Variants in SGK1 observed in about 807,000 individuals in gnomAD.
SGK1 encodes serum/glucocorticoid regulated kinase 1.
Under a neutral mutation model 64.2 loss-of-function variants are expected in SGK1, and 26 were observed. The ratio of observed to expected loss-of-function variants is 0.40; its 90% CI spans 0.30 to 0.56. The LOEUF is 0.56. Among genes scored for constraint, SGK1 ranks in the 20% least tolerant of loss-of-function variants. The probability of loss-of-function intolerance (pLI) is 0.38; values close to 1 mark genes in which losing one functional copy is unlikely to be tolerated. For missense variants in SGK1, 519 were observed against 645.6 expected, an observed-to-expected ratio of 0.80 and a Z score of 2.12; for synonymous variants, 265 against 239.7, an observed-to-expected ratio of 1.11 and a Z score of -0.98.
chr6:134,265,075 G>A (rs1304321915), intron 1 of SGK1, among the ~76,000 whole-genome samples: 2 of 152,306 alleles, frequency 1.3e-5, no homozygotes, highest in African/African-American at 4.8e-5. Flanking sequence ...TGAAGACTGT[G>A]AAAATATGAA....
chr6:134,232,309 T>TGGGAGGCAGAGGTTGCA (rs1354922217), intron 2 of SGK1, among the ~76,000 whole-genome samples: 1 of 151,160 alleles, frequency 6.6e-6, no homozygotes, highest in African/African-American at 2.4e-5. Context: ...CACTTGAACC[T>TGGGAGGCAGAGGTTGCA]GGGAGGCAGA....
chr6:134,232,357 C>A (rs1323038367), intron 2 of SGK1, among the ~76,000 whole-genome samples: 1 of 148,378 alleles, frequency 6.7e-6, no homozygotes, highest in Admixed American at 6.9e-5. Flanking sequence ...TGTACTCTAG[C>A]CTGGGCGATA....
chr6:134,190,483 G>T (rs924081804), intron 3 of SGK1, among the ~76,000 whole-genome samples: 2 of 151,734 alleles, frequency 1.3e-5, no homozygotes, highest in African/African-American at 4.8e-5. Flanking sequence ...ACAGGGTTTC[G>T]CCATATTGGC....
intron 2 of SGK1, among the ~76,000 whole-genome samples, chr6:134,232,429 A>AGAGAGAGAGAGAG (rs1562259737): frequency 2.8e-4 from 16 of 56,330 alleles, no homozygotes; most frequent in African/African-American, 5.7e-4. Context: ...GAAAGAAAGA[A>AGAGAGAGAGAGAG]AGAAAGAAAG....
rs148797236 is a variant in SGK1, at chr6:134,188,011, T to A, written c.362-13425A>T. ...CTGTAGCCAGGTTGGCCTTAGTGAG[T>A]GGACGTCCATGTTGCTGAGTCCATG... On this transcript the variant is annotated intron_variant, in intron 3 of 13. Transcript: ENST00000367858. 5.9e-5 allele frequency among the ~76,000 whole-genome samples: 9 copies of A among 152,282 alleles called. No individual in the cohort carries two copies. The East Asian group carries it at 1.5e-3, about 26-fold the overall frequency.
intron 2 of SGK1, among the ~76,000 whole-genome samples, chr6:134,223,158 TG>T (rs1295394468): frequency 6.6e-6 from 1 of 151,670 alleles, no homozygotes; most frequent in Non-Finnish European, 1.5e-5. Context: ...CACCTGAGGT[TG>T]GGAGTTCGAG....
At chr6:134,264,673 T>C (rs1338297133) in intron 1 of SGK1, among the ~76,000 whole-genome samples, 3 of 152,080 alleles carry the variant, frequency 2.0e-5, no homozygotes, top group East Asian at 1.9e-4. Flanking sequence ...TAAAGGGTCT[T>C]GTTTTGTTCC....
At position 134,237,365 on chromosome 6, in the gene SGK1, A is replaced by T. The variant is rs187629072; in HGVS notation, c.285+24568T>A. Among the ~76,000 whole-genome samples the T allele has an allele frequency of 2.5e-3, 376 of 151,340 alleles. 3 individuals carry two copies. Among genetic ancestry groups the T allele is most frequent in the Non-Finnish European group, 4.5e-3 (307 of 67,860 alleles). The stretch of plus-strand genomic sequence containing the variant: ...AGCCACTGTGCCTGGCCTGAAATTA[A>T]TTTTCACTGGTTTATTTTCATAAAA... On this transcript the variant is annotated intron_variant, in intron 2 of 13. Coordinates refer to ENST00000367858, the MANE Select transcript of SGK1 (RefSeq NM_001143676.3).
At chr6:134,299,836 G>T (rs1330413856) in intron 1 of SGK1, among the ~76,000 whole-genome samples, 1 of 148,660 alleles carries the variant, frequency 6.7e-6, no homozygotes, top group Non-Finnish European at 1.5e-5. Flanking sequence ...GTTTGGAGGA[G>T]TCGGATAATG....
intron 2 of SGK1, among the ~76,000 whole-genome samples, chr6:134,251,904 G>A (rs539340513): frequency 6.6e-6 from 1 of 152,216 alleles, no homozygotes; most frequent in African/African-American, 2.4e-5. Context: ...ACAGGTGGGT[G>A]CCATCACGCC....
At chr6:134,219,033 A>C (rs1391264020) in intron 2 of SGK1, among the ~76,000 whole-genome samples, 2 of 151,896 alleles carry the variant, frequency 1.3e-5, no homozygotes, top group African/African-American at 2.4e-5. Context: ...CCCAGGCTGG[A>C]GTGCAGTGGC....
chr6:134,171,116 C>A lies in SGK1; in HGVS notation c.1230G>T (p.Gln410His). The change falls in exon 12 of 14, where the codon CAG becomes CAT. Residue 410 changes from glutamine (Q) to histidine (H), a missense_variant. By Grantham distance (24) the Gln-to-His change is conservative. This residue lies in a region of SGK1 where 278 missense variants were observed against 408.7 expected (regional missense o/e 0.68). Coordinates refer to ENST00000367858, the MANE Select transcript of SGK1 (RefSeq NM_001143676.3). ...CGGAATTTGTAATATTTGGTTTCAG[C>A]TGGAGAGGCTTGTTCAGAATGTTGT... Reference protein sequence around the residue: ...MYDNILNKPLQLKPNITNSAR... With the variant: ...MYDNILNKPLHLKPNITNSAR... The A allele has an allele frequency of 1.2e-6, 2 of 1,614,108 alleles. No homozygotes were observed. The highest frequency in any genetic ancestry group is 8.5e-7 in the Non-Finnish European group (1 of 1,180,024).
At chr6:134,289,297 G>T (rs2114778651) in intron 1 of SGK1, among the ~76,000 whole-genome samples, 2 of 152,338 alleles carry the variant, frequency 1.3e-5, no homozygotes, top group East Asian at 3.9e-4. Context: ...AATTGGCAAT[G>T]AATTTAAACA....
At chr6:134,174,811 C>A (rs1371026573) in intron 3 of SGK1, 10 of 1,614,034 alleles carry the variant, frequency 6.2e-6, no homozygotes, top group Non-Finnish European at 8.5e-6. Flanking sequence ...CCGTCATCAC[C>A]ACCGCGGGGA....
At chr6:134,209,397 G>A (rs1362684259) in intron 2 of SGK1, among the ~76,000 whole-genome samples, 4 of 152,106 alleles carry the variant, frequency 2.6e-5, no homozygotes, top group African/African-American at 9.7e-5. Flanking sequence ...TCGTGCCACT[G>A]CACTCTAGCC....
chr6:134,224,808 G>C (rs1776143478), intron 2 of SGK1, among the ~76,000 whole-genome samples: 1 of 149,922 alleles, frequency 6.7e-6, no homozygotes, highest in Non-Finnish European at 1.5e-5. Context: ...GGATCACCAG[G>C]TCAGGAGATC....
chr6:134,271,648 A>G (rs1429522233), intron 1 of SGK1, among the ~76,000 whole-genome samples: 1 of 147,232 alleles, frequency 6.8e-6, no homozygotes, highest in East Asian at 2.4e-4. Flanking sequence ...GTACATGTGA[A>G]GGTTTGTTAC....
intron 2 of SGK1, among the ~76,000 whole-genome samples, chr6:134,216,349 C>T (rs957069965): frequency 2.6e-5 from 4 of 152,150 alleles, no homozygotes; most frequent in African/African-American, 9.7e-5. Context: ...GTTGCATGAC[C>T]AAAAGTAGCA....
intron 3 of SGK1, among the ~76,000 whole-genome samples, chr6:134,192,186 A>G (rs1283473501): frequency 2.6e-5 from 4 of 151,872 alleles, no homozygotes; most frequent in African/African-American, 7.3e-5. Context: ...GCTGGTCTCC[A>G]ACTCCTGACC....
Sources: gnomAD v4.1 joint callset for allele counts (sites outside exome capture counted in the v4.1 genomes callset) on GRCh38, gnomAD v4.1.1 for gene constraint, gnomAD v4.1.1 regional missense constraint, MANE v1.5 for transcripts, NCBI Gene and HGNC (gene_info 2026-07-23, HGNC 2026-07-21) for gene names.